Variants in MYO18B observed in about 807,000 individuals in gnomAD.
MYO18B encodes the protein myosin XVIIIB.
A neutral mutation model predicts 273.0 loss-of-function variants in MYO18B; 204 were observed. That is an observed-to-expected ratio of 0.75 (90% CI 0.67 to 0.84). The LOEUF (loss-of-function observed/expected upper bound fraction) is 0.84, where lower values mean the gene tolerates loss of function less well. Among genes scored for constraint, MYO18B ranks in the 40% least tolerant of loss-of-function variants. The pLI is 0.00. For missense variants in MYO18B, 3,212 were observed against 3,287.6 expected, an observed-to-expected ratio of 0.98 and a Z score of 0.56; for synonymous variants, 1,330 against 1,305.7, an observed-to-expected ratio of 1.02 and a Z score of -0.40.
chr22:25,913,322 C>T (rs1235985576), intron 33 of MYO18B, among the ~76,000 whole-genome samples: 2 of 152,204 alleles, frequency 1.3e-5, no homozygotes, highest in African/African-American at 4.8e-5. Context: ...TGGCCCTCCA[C>T]AGGGATGCTG....
intron 17 of MYO18B, among the ~76,000 whole-genome samples, chr22:25,836,518 A>G (rs1291226191): frequency 2.0e-5 from 3 of 152,164 alleles, no homozygotes; most frequent in Non-Finnish European, 4.4e-5. Context: ...TCTGTCCCAC[A>G]CTTGGAGATA....
chr22:25,877,861 C>A, intron 24 of MYO18B, 98 bp from the exon 25 acceptor site: 1 of 845,204 alleles, frequency 1.2e-6, no homozygotes, highest in Non-Finnish European at 1.9e-6. Context: ...AGGTTTATTC[C>A]TCCTAACGGA....
chr22:25,784,962 A>G (rs1309795458), intron 10 of MYO18B, among the ~76,000 whole-genome samples: 1 of 152,166 alleles, frequency 6.6e-6, no homozygotes, highest in Non-Finnish European at 1.5e-5. Flanking sequence ...CATGCTTGCT[A>G]GCTGTGAAGT....
At chr22:25,958,784 T>C (rs1005590511) in intron 39 of MYO18B, among the ~76,000 whole-genome samples, 1 of 152,170 alleles carries the variant, frequency 6.6e-6, no homozygotes, top group African/African-American at 2.4e-5. Flanking sequence ...AGACAGATCA[T>C]CCCATCTGTT....
intron 21 of MYO18B, among the ~76,000 whole-genome samples, chr22:25,864,414 T>C (rs1203693108): frequency 6.6e-6 from 1 of 152,216 alleles, no homozygotes; most frequent in Non-Finnish European, 1.5e-5. Flanking sequence ...AATATCTCCC[T>C]TATATGCTAC....
chr22:26,006,085 TGTCTGCCAGTGGCAGCAGGA>T (rs1934391277), intron 42 of MYO18B, among the ~76,000 whole-genome samples: 1 of 152,252 alleles, frequency 6.6e-6, no homozygotes, highest in Admixed American at 6.5e-5. Context: ...TGCGTTAGCC[TGTCTGCCAGTGGCAGCAGGA>T]GAATTGGAGG....
At chr22:25,811,824 A>C (rs1007037724) in intron 12 of MYO18B, among the ~76,000 whole-genome samples, 2 of 152,194 alleles carry the variant, frequency 1.3e-5, no homozygotes, top group African/African-American at 4.8e-5. Flanking sequence ...CCTTGTGTAC[A>C]GACAGTTGTG....
At chr22:25,857,803 G>A (rs763235315) in intron 21 of MYO18B, among the ~76,000 whole-genome samples, 61 of 152,268 alleles carry the variant, frequency 4.0e-4, no homozygotes, top group Non-Finnish European at 7.2e-4. Context: ...ACAGGCATGC[G>A]CCACCACGCC....
intron 21 of MYO18B, among the ~76,000 whole-genome samples, chr22:25,866,313 A>G (rs1053324240): frequency 6.6e-6 from 1 of 152,136 alleles, no homozygotes; most frequent in Non-Finnish European, 1.5e-5. Flanking sequence ...ACCAGGCACA[A>G]CCTGGGTTTA....
intron 21 of MYO18B, among the ~76,000 whole-genome samples, chr22:25,861,560 C>T (rs2090738012): frequency 6.6e-6 from 1 of 152,190 alleles, no homozygotes; most frequent in Non-Finnish European, 1.5e-5. Context: ...GCATCTCTTA[C>T]AGATGGTATA....
intron 11 of MYO18B, among the ~76,000 whole-genome samples, chr22:25,791,066 G>C (rs1304329838): frequency 6.6e-6 from 1 of 152,224 alleles, no homozygotes; most frequent in Non-Finnish European, 1.5e-5. Context: ...TTGGCACACA[G>C]AAATAACTCA....
In MYO18B at chr22:25,772,441, G is replaced by A; in HGVS notation, c.1800G>A (p.Leu600=). ...TLLQRYKAQL[L]HTCTGPDLIV... is the part of the protein sequence containing the mutation. ...TGCAGCGCTACAAAGCTCAGCTGCT[G>A]CACACCTGCACAGGGCCTGATCTGA... Residue 600 remains leucine (L), a synonymous_variant, in exon 7 of 44, where the codon CTG becomes CTA. Coordinates refer to ENST00000335473, the MANE Select transcript of MYO18B (RefSeq NM_032608.7). The A allele has an allele frequency of 6.2e-7, 1 of 1,614,030 alleles. No individual in the cohort carries two copies.
At chr22:25,846,824 G>C (rs947260966) in intron 19 of MYO18B, among the ~76,000 whole-genome samples, 1 of 152,220 alleles carries the variant, frequency 6.6e-6, no homozygotes, top group Non-Finnish European at 1.5e-5. Flanking sequence ...GCTCACGCCT[G>C]TAATTCCAGC....
At chr22:25,824,232 G>A (rs982347103) in intron 13 of MYO18B, among the ~76,000 whole-genome samples, 6 of 152,146 alleles carry the variant, frequency 3.9e-5, no homozygotes, top group Non-Finnish European at 8.8e-5. Flanking sequence ...GGGAGTGAGT[G>A]GGAGACAGGA....
At position 25,952,157 on chromosome 22, in the gene MYO18B, C is replaced by T. The variant is rs1298395495; in HGVS notation, c.5833-129C>T. The stretch of plus-strand genomic sequence containing the variant: ...CTTGCTTGTGCAGACATTTAACATG[C>T]AGCACACCTGAGTAGAGAAGGAGGT... On this transcript the variant is annotated intron_variant, in intron 37 of 43. Coordinates refer to ENST00000335473, the MANE Select transcript of MYO18B (RefSeq NM_032608.7). The T allele has an allele frequency of 8.6e-6, 9 of 1,040,726 alleles. No individual in the cohort carries two copies. In the South Asian group the frequency reaches 1.5e-4, roughly 17 times the overall value. 64.5% of individuals were successfully genotyped at this position (1,040,726 alleles called of 1,614,324 possible).
chr22:25,938,719 C>T (rs1051657195), intron 34 of MYO18B, among the ~76,000 whole-genome samples: 16 of 152,352 alleles, frequency 1.1e-4, no homozygotes, highest in African/African-American at 3.8e-4. Flanking sequence ...GATCCATACA[C>T]AGAACAGGTA....
chr22:26,007,114 C>T (rs182715479), intron 42 of MYO18B, among the ~76,000 whole-genome samples: 1 of 152,180 alleles, frequency 6.6e-6, no homozygotes, highest in Non-Finnish European at 1.5e-5. Context: ...GTGCTTGCAC[C>T]AAGAACAGGG....
In MYO18B at chr22:25,988,006, T is replaced by A. The variant is rs561772877; in HGVS notation, c.6157-4357T>A. Among the ~76,000 whole-genome samples the A allele has an allele frequency of 1.0e-3, 157 of 152,268 alleles. 1 individual carries two copies. Among genetic ancestry groups the A allele is most frequent in the Middle Eastern group, 0.01 (3 of 294 alleles). On this transcript the variant is annotated intron_variant, in intron 39 of 43. Transcript: ENST00000335473. ...AAAGAGAGCTAATAACAGAGAAGAC[T>A]AAGCTCACAATCGACCTCAGCACAC...
intron 39 of MYO18B, among the ~76,000 whole-genome samples, chr22:25,973,124 C>T (rs1958537038): frequency 6.6e-6 from 1 of 152,170 alleles, no homozygotes; most frequent in South Asian, 2.1e-4. Flanking sequence ...TGTTAAGCAT[C>T]ACTTTCTTCT....
Sources: gnomAD v4.1 joint callset for allele counts (sites outside exome capture counted in the v4.1 genomes callset) on GRCh38, gnomAD v4.1.1 for gene constraint, MANE v1.5 for transcripts, NCBI Gene and HGNC (gene_info 2026-07-23, HGNC 2026-07-21) for gene names.